Variants in PAQR5 observed in about 807,000 individuals in gnomAD.
The protein encoded by PAQR5 is membrane progestin receptor gamma.
PAQR5 carries 20 observed loss-of-function variants against 34.5 expected under a neutral mutation model. The observed-to-expected ratio is 0.58, with a 90% CI of 0.41 to 0.84. The LOEUF is 0.84. Among genes scored for constraint, PAQR5 ranks in the 40% least tolerant of loss-of-function variants. The probability of loss-of-function intolerance (pLI) is 0.00; values close to 1 mark genes in which losing one functional copy is unlikely to be tolerated. For missense variants in PAQR5, 378 were observed against 412.7 expected (o/e 0.92, Z 0.73); for synonymous variants, 131 against 155.6 (o/e 0.84, Z 1.18).
chr15:69,323,500 G>A (rs1170008876), intron 1 of PAQR5, among the ~76,000 whole-genome samples: 1 of 152,158 alleles, frequency 6.6e-6, no homozygotes, highest in African/African-American at 2.4e-5. Flanking sequence ...ATAGAGTAAG[G>A]CTCACCTGTG....
chr15:69,391,847 A>C (rs2056283267), intron 6 of PAQR5: 1 of 385,162 alleles, frequency 2.6e-6, no homozygotes, highest in Non-Finnish European at 5.2e-6. Flanking sequence ...ACCTGAGGTC[A>C]GGAGTTCAAG....
intron 3 of PAQR5, among the ~76,000 whole-genome samples, chr15:69,361,699 G>A (rs1276639131): frequency 6.6e-6 from 1 of 152,148 alleles, no homozygotes; most frequent in East Asian, 1.9e-4. Flanking sequence ...CAGTTTGGGG[G>A]ACAACACCCC....
At chr15:69,360,303 A>T (rs544999406) in intron 3 of PAQR5, among the ~76,000 whole-genome samples, 172 bp downstream of exon 3, 2 of 152,196 alleles carry the variant, frequency 1.3e-5, no homozygotes, top group East Asian at 3.9e-4. Flanking sequence ...TCCCCCACCT[A>T]CCTTGAAATG....
Position 69,405,332 on chromosome 15 carries a change from T to A in PAQR5, c.*1510T>A, listed in dbSNP as rs2056738167. On this transcript the variant is annotated 3_prime_UTR_variant, in exon 9 of 9. Coordinates refer to ENST00000395407, the MANE Select transcript of PAQR5 (RefSeq NM_017705.4). ...CCATTAACTAGCCCAGACATTTGAA[T>A]GGCCTTGTAAACAGCTCACTGTCTA... is the stretch of plus-strand genomic sequence containing the variant. The A allele has an allele frequency of 8.9e-6, 2 of 224,796 alleles. No homozygotes were observed. The highest frequency in any genetic ancestry group is 5.8e-5 in the Admixed American group (1 of 17,374). 13.9% of individuals were successfully genotyped at this position (224,796 alleles called of 1,614,324 possible).
rs150410110 is a variant in PAQR5, at chr15:69,305,473, C to T, written c.-277+6417C>T. Among the ~76,000 whole-genome samples, 89 of 152,078 alleles carry T rather than the reference C, an allele frequency of 5.9e-4. No individual in the cohort carries two copies. The East Asian group carries it at 0.017, about 29-fold the overall frequency. On this transcript the variant is annotated intron_variant, in intron 1 of 8. Coordinates refer to ENST00000395407, the MANE Select transcript of PAQR5 (RefSeq NM_017705.4). ...CATGCTGAGAGCCAAGGCCAGTTCT[C>T]TTCGCCTTCCAGACCTTGGGTTACA...
intron 2 of PAQR5, among the ~76,000 whole-genome samples, chr15:69,358,887 A>T (rs1226357755): frequency 1.3e-5 from 2 of 152,034 alleles, no homozygotes; most frequent in Admixed American, 1.3e-4. Flanking sequence ...AATTTCTGGG[A>T]TTATAGGCAT....
intron 1 of PAQR5, among the ~76,000 whole-genome samples, chr15:69,313,962 G>T (rs2053886040): frequency 1.3e-5 from 2 of 152,182 alleles, no homozygotes; most frequent in East Asian, 3.9e-4. Flanking sequence ...TTTCTGTGAG[G>T]GACTGAAGTT....
intron 1 of PAQR5, among the ~76,000 whole-genome samples, chr15:69,299,263 G>T (rs1054742427): frequency 2.4e-4 from 37 of 152,304 alleles, no homozygotes; most frequent in Non-Finnish European, 4.4e-4. Flanking sequence ...CCGCACGCGG[G>T]GCCGGTGTGA....
chr15:69,322,707 G>A (rs1479618880), intron 1 of PAQR5, among the ~76,000 whole-genome samples: 2 of 13,654 alleles, frequency 1.5e-4, no homozygotes, highest in Non-Finnish European at 2.8e-4. Context: ...AGAAGAAGAA[G>A]AAGAAGAAGA....
At chr15:69,365,406 C>T (rs955780895) in intron 3 of PAQR5, among the ~76,000 whole-genome samples, 4 of 152,200 alleles carry the variant, frequency 2.6e-5, no homozygotes, top group Non-Finnish European at 4.4e-5. Flanking sequence ...CCGTGCCCAG[C>T]CTCCTTTATG....
chr15:69,385,379 C>T lies in PAQR5; in HGVS notation c.385+497C>T, dbSNP rs1293759807. Among the ~76,000 whole-genome samples, 1 of 152,194 alleles carries T rather than the reference C, an allele frequency of 6.6e-6. No homozygotes were observed. Among genetic ancestry groups the T allele is most frequent in the Non-Finnish European group, 1.5e-5 (1 of 68,028 alleles). On this transcript the variant is annotated intron_variant, in intron 5 of 8. Transcript: ENST00000395407. The surrounding 1 kb of genome is among the most constrained non-coding windows in gnomAD (Gnocchi z 4.7). ...AGGCCAGAATGAACTGACTCCAGTA[C>T]ATCAGTGCTGGTCTCTGTCATGCCA...
chr15:69,307,095 C>T (rs965203703), intron 1 of PAQR5, among the ~76,000 whole-genome samples: 1 of 67,402 alleles, frequency 1.5e-5, no homozygotes, highest in African/African-American at 5.7e-5. Flanking sequence ...ACATATACAT[C>T]ATATTTTTTT....
At chr15:69,328,471 C>T (rs577683089) in intron 1 of PAQR5, among the ~76,000 whole-genome samples, 2 of 152,174 alleles carry the variant, frequency 1.3e-5, no homozygotes, top group Non-Finnish European at 2.9e-5. Context: ...AGGAGGGCAG[C>T]AGGAGAGGAG....
In PAQR5 at chr15:69,406,856, C is replaced by T. The variant is rs573189852; in HGVS notation, c.*3034C>T. On this transcript the variant is annotated 3_prime_UTR_variant, in exon 9 of 9. Transcript: ENST00000395407. The stretch of plus-strand genomic sequence containing the variant: ...TTGCGCTCCAGACTGGGCAACAGGG[C>T]AAGACCCTGCCTCAAAAAAAAAAAA... The T allele has an allele frequency of 6.8e-6, 1 of 146,358 alleles. No homozygotes were observed. Among genetic ancestry groups the T allele is most frequent in the East Asian group, 2.0e-4 (1 of 4,986 alleles). The allele number at this position is 146,358 out of a possible 1,614,324, so 9.1% of individuals were successfully genotyped here. A position where few individuals can be genotyped will look rare whatever the true frequency, so the allele number is the denominator to read the frequency against.
intron 2 of PAQR5, among the ~76,000 whole-genome samples, chr15:69,351,337 G>C (rs552474768): frequency 6.6e-6 from 1 of 152,390 alleles, no homozygotes; most frequent in Admixed American, 6.5e-5. Flanking sequence ...GGATCCTGAA[G>C]AATCCAGAAG....
intron 3 of PAQR5, among the ~76,000 whole-genome samples, chr15:69,361,539 A>G (rs575435801): frequency 6.6e-6 from 1 of 152,316 alleles, no homozygotes; most frequent in Non-Finnish European, 1.5e-5. Context: ...TAATTGACTC[A>G]CAGTTCCTCA....
At chr15:69,332,970 T>TA (rs1186011773) in intron 1 of PAQR5, among the ~76,000 whole-genome samples, 1 of 152,030 alleles carries the variant, frequency 6.6e-6, no homozygotes, top group African/African-American at 2.4e-5. Context: ...TTTAAAAGGA[T>TA]ATTTTTTAAA....
At chr15:69,318,644 G>A (rs1418829311) in intron 1 of PAQR5, among the ~76,000 whole-genome samples, 1 of 151,914 alleles carries the variant, frequency 6.6e-6, no homozygotes, top group Non-Finnish European at 1.5e-5. Flanking sequence ...TGCTAGTACA[G>A]TAGTCCCCCT....
intron 3 of PAQR5, among the ~76,000 whole-genome samples, chr15:69,368,639 G>C (rs752638723): frequency 6.6e-6 from 1 of 151,932 alleles, no homozygotes; most frequent in African/African-American, 2.4e-5. Flanking sequence ...TACTCTCTCT[G>C]GACTGCATTC....
Sources: gnomAD v4.1 joint callset for allele counts (sites outside exome capture counted in the v4.1 genomes callset) on GRCh38, gnomAD v4.1.1 for gene constraint, Gnocchi (gnomAD v3.1) non-coding constraint, MANE v1.5 for transcripts, NCBI Gene and HGNC (gene_info 2026-07-23, HGNC 2026-07-21) for gene names.